The following LRRC4C variants were observed in gnomAD, a reference collection of about 807,000 sequenced individuals.
The protein encoded by LRRC4C is leucine-rich repeat-containing protein 4C.
In LRRC4C, 5 loss-of-function variants were observed where a neutral mutation model predicts 33.6. That is an observed-to-expected ratio of 0.15 (90% CI 0.08 to 0.31). LRRC4C has a LOEUF of 0.31. Ranked by LOEUF, LRRC4C falls within the 10% of genes least tolerant of loss-of-function variation. The pLI, the probability that LRRC4C is intolerant of heterozygous loss-of-function variation, is 1.00. For missense variants in LRRC4C, 560 were observed against 796.7 expected (o/e 0.70, Z 3.58); for synonymous variants, 329 against 302.0 (o/e 1.09, Z -0.93).
chr11:41,375,063 G>C (rs1353230493), intron 1 of LRRC4C, among the ~76,000 whole-genome samples: 1 of 152,042 alleles, frequency 6.6e-6, no homozygotes, highest in African/African-American at 2.4e-5. Context: ...GAAAGTCAAG[G>C]CTGCAATGAG....
At chr11:40,765,786 GA>G (rs113329082) in intron 2 of LRRC4C, among the ~76,000 whole-genome samples, 16,551 of 146,122 alleles carry the variant, frequency 0.11, 1,292 homozygotes, top group East Asian at 0.41. Flanking sequence ...AGTCAGAGAA[GA>G]AAAAAAAAAT....
At chr11:40,596,879 CCAT>C (rs1422151964) in intron 3 of LRRC4C, among the ~76,000 whole-genome samples, 8 of 152,000 alleles carry the variant, frequency 5.3e-5, no homozygotes, top group Non-Finnish European at 8.8e-5. Context: ...ATATAAGTGT[CCAT>C]CAATGTATGA....
At chr11:40,659,002 C>A (rs549374517) in intron 2 of LRRC4C, among the ~76,000 whole-genome samples, 1 of 152,148 alleles carries the variant, frequency 6.6e-6, no homozygotes, top group Non-Finnish European at 1.5e-5. Context: ...AGGTTGGGAG[C>A]CCCATGTTCC....
intron 1 of LRRC4C, among the ~76,000 whole-genome samples, chr11:41,356,654 A>T (rs1952172847): frequency 6.6e-6 from 1 of 152,116 alleles, no homozygotes; most frequent in African/African-American, 2.4e-5. Context: ...AGGAAGTGGG[A>T]TGTTAGACAC....
chr11:41,451,034 C>G (rs1956003826), intron 1 of LRRC4C, among the ~76,000 whole-genome samples: 1 of 151,974 alleles, frequency 6.6e-6, no homozygotes, highest in Admixed American at 6.6e-5. Flanking sequence ...GCTCCTCTGT[C>G]AATATAATGT....
At chr11:40,253,398 G>C (rs1866942635) in intron 4 of LRRC4C, among the ~76,000 whole-genome samples, 1 of 152,086 alleles carries the variant, frequency 6.6e-6, no homozygotes, top group African/African-American at 2.4e-5. Flanking sequence ...ATAAAAAGCT[G>C]GTATAAAAAC....
At chr11:40,245,297 T>A (rs1167444458) in intron 4 of LRRC4C, among the ~76,000 whole-genome samples, 2 of 152,206 alleles carry the variant, frequency 1.3e-5, no homozygotes, top group Non-Finnish European at 2.9e-5. Context: ...TACTCTATTA[T>A]TTGCATATGT....
At chr11:41,325,574 TTTTTGTGTGTGTGTGTGTGTG>T (rs1951086736) in intron 1 of LRRC4C, among the ~76,000 whole-genome samples, 2 of 99,902 alleles carry the variant, frequency 2.0e-5, no homozygotes, top group Non-Finnish European at 4.4e-5. Context: ...TAGTTTTTTT[TTTTTGTGTGTGTGTGTGTGTG>T]TGTGTGTGTG....
chr11:40,894,807 T>G (rs2136136516), intron 2 of LRRC4C, among the ~76,000 whole-genome samples: 1 of 152,262 alleles, frequency 6.6e-6, no homozygotes, highest in South Asian at 2.1e-4. Context: ...CCACTTTAAT[T>G]TCACCATGTT....
At chr11:41,078,912 C>T (rs1939356444) in intron 1 of LRRC4C, among the ~76,000 whole-genome samples, 2 of 152,196 alleles carry the variant, frequency 1.3e-5, no homozygotes, top group South Asian at 4.1e-4. Flanking sequence ...CTCCATTCCA[C>T]CTTGCCTGCA....
intron 3 of LRRC4C, among the ~76,000 whole-genome samples, chr11:40,610,816 A>G (rs982480596): frequency 8.6e-5 from 13 of 151,870 alleles, no homozygotes; most frequent in South Asian, 4.1e-4. Flanking sequence ...AAATTTACCA[A>G]GTAGATAAAA....
chr11:40,374,083 C>T (rs1057383021), intron 3 of LRRC4C, among the ~76,000 whole-genome samples: 2 of 152,054 alleles, frequency 1.3e-5, no homozygotes, highest in Non-Finnish European at 2.9e-5. Flanking sequence ...AAAAGTTTAA[C>T]AACAACAAGC....
intron 3 of LRRC4C, among the ~76,000 whole-genome samples, chr11:40,491,786 G>C (rs1954171937): frequency 6.6e-6 from 1 of 152,050 alleles, no homozygotes; most frequent in South Asian, 2.1e-4. Context: ...TTACATTTTT[G>C]TTATATAGTA....
At chr11:40,648,560 T>C (rs1477083071) in intron 2 of LRRC4C, among the ~76,000 whole-genome samples, 2 of 152,170 alleles carry the variant, frequency 1.3e-5, no homozygotes, top group East Asian at 3.8e-4. Flanking sequence ...AGAGACTCAA[T>C]ATAATAGTTT....
chr11:40,991,129 G>T (rs1449108657), intron 1 of LRRC4C, among the ~76,000 whole-genome samples: 1 of 140,406 alleles, frequency 7.1e-6, no homozygotes, highest in Non-Finnish European at 1.5e-5. Context: ...GATAAAATGT[G>T]ATCTTTCAAA....
At chr11:41,092,945 T>C (rs1270567866) in intron 1 of LRRC4C, among the ~76,000 whole-genome samples, 1 of 152,256 alleles carries the variant, frequency 6.6e-6, no homozygotes, top group Non-Finnish European at 1.5e-5. Flanking sequence ...TGGAATCCTC[T>C]GTAATGTTTT....
intron 4 of LRRC4C, among the ~76,000 whole-genome samples, chr11:40,298,341 G>A (rs1270598663): frequency 2.6e-5 from 4 of 151,176 alleles, no homozygotes; most frequent in Non-Finnish European, 4.4e-5. Flanking sequence ...AATTGGTTAA[G>A]TGGCTCTTTT....
chr11:40,310,910 T>C (rs1490728150), intron 4 of LRRC4C, among the ~76,000 whole-genome samples: 1 of 152,186 alleles, frequency 6.6e-6, no homozygotes, highest in Non-Finnish European at 1.5e-5. Context: ...CATTTGAAAA[T>C]ATTTTGAAAA....
At chr11:40,775,570 G>A (rs1352198955) in intron 2 of LRRC4C, among the ~76,000 whole-genome samples, 1 of 151,594 alleles carries the variant, frequency 6.6e-6, no homozygotes, top group Non-Finnish European at 1.5e-5. Context: ...TCTTTATTTG[G>A]CACTGTTTGA....
Sources: gnomAD v4.1 joint callset for allele counts (sites outside exome capture counted in the v4.1 genomes callset) on GRCh38, gnomAD v4.1.1 for gene constraint, MANE v1.5 for transcripts, NCBI Gene and HGNC (gene_info 2026-07-23, HGNC 2026-07-21) for gene names.